GMPR: variants seen among roughly 807,000 people sequenced by gnomAD.
GMPR encodes the protein guanosine monophosphate reductase.
Under a neutral mutation model 38.4 loss-of-function variants are expected in GMPR, and 31 were observed. The ratio of observed to expected loss-of-function variants is 0.81; its 90% CI spans 0.61 to 1.09. The LOEUF (loss-of-function observed/expected upper bound fraction) is 1.09, where lower values mean the gene tolerates loss of function less well. GMPR is among the 50% of genes least tolerant of loss of function. GMPR has a pLI of 0.00. For missense variants in GMPR, 468 were observed against 453.7 expected (o/e 1.03, Z -0.29); for synonymous variants, 162 against 173.3 (o/e 0.93, Z 0.51).
chr6:16,260,414 A>C (rs1371650807), intron 4 of GMPR, among the ~76,000 whole-genome samples: 1 of 152,006 alleles, frequency 6.6e-6, no homozygotes, highest in Admixed American at 6.6e-5. Flanking sequence ...CAGACCCTGT[A>C]GGAAAGGCCT....
rs117991420 is a variant in GMPR at position 16,290,917 on chromosome 6, G to A, written c.857+296G>A. On this transcript the variant is annotated intron_variant, in intron 8 of 8. Coordinates refer to ENST00000259727, the MANE Select transcript of GMPR (RefSeq NM_006877.4). ...ACCTCTGGGGGTAGGTGGAATTATTGTCTTGTCCTTCCAGTAGAGCCTGTG... is the reference window on the plus strand; with the variant it reads ...ACCTCTGGGGGTAGGTGGAATTATTATCTTGTCCTTCCAGTAGAGCCTGTG... Among the ~76,000 whole-genome samples, 202 of 152,298 alleles carry A rather than the reference G, an allele frequency of 1.3e-3. 6 individuals carry two copies. The East Asian group carries it at 0.033, about 25-fold the overall frequency.
intron 4 of GMPR, among the ~76,000 whole-genome samples, chr6:16,260,590 T>C (rs1007104978): frequency 1.3e-5 from 2 of 152,016 alleles, no homozygotes; most frequent in Non-Finnish European, 2.9e-5. Context: ...AGTAGTAGAA[T>C]AGCAGATGGA....
chr6:16,256,922 A>G (rs770745778), intron 4 of GMPR, among the ~76,000 whole-genome samples: 1 of 152,122 alleles, frequency 6.6e-6, no homozygotes, highest in Non-Finnish European at 1.5e-5. Flanking sequence ...CTTTTGTTCT[A>G]ATATTTAATC....
At chr6:16,268,999 T>G (rs987930945) in intron 4 of GMPR, among the ~76,000 whole-genome samples, 3 of 151,584 alleles carry the variant, frequency 2.0e-5, no homozygotes, top group Admixed American at 2.0e-4. Context: ...AAAATAAAAA[T>G]TATTTAAAAA....
At chr6:16,269,394 T>C (rs1759338066) in intron 4 of GMPR, among the ~76,000 whole-genome samples, 2 of 152,096 alleles carry the variant, frequency 1.3e-5, no homozygotes, top group South Asian at 4.1e-4. Flanking sequence ...GCTGGAAAAA[T>C]TGGGGCAAAG....
chr6:16,289,514 G>A (rs1759788891), intron 7 of GMPR: 1 of 152,228 alleles, frequency 6.6e-6, no homozygotes, highest in Non-Finnish European at 1.5e-5. Flanking sequence ...CACAAAGACA[G>A]GCAGCTTCAG....
intron 5 of GMPR, among the ~76,000 whole-genome samples, chr6:16,275,342 A>T (rs926208460): frequency 6.6e-6 from 1 of 152,322 alleles, no homozygotes; most frequent in Admixed American, 6.5e-5. Flanking sequence ...ATATGAGAGG[A>T]ATCTGTGGGA....
chr6:16,260,771 A>G (rs4594951), intron 4 of GMPR, among the ~76,000 whole-genome samples: 1 of 151,964 alleles, frequency 6.6e-6, no homozygotes, highest in Non-Finnish European at 1.5e-5. Flanking sequence ...AGGGTGAGGA[A>G]CGGCAAAGAA....
At chr6:16,272,478 A>C (rs890392773) in intron 4 of GMPR, among the ~76,000 whole-genome samples, 4 of 152,254 alleles carry the variant, frequency 2.6e-5, no homozygotes, top group Non-Finnish European at 5.9e-5. Context: ...AAATTTTCCC[A>C]AAAGAAATAG....
intron 4 of GMPR, among the ~76,000 whole-genome samples, chr6:16,261,251 T>G (rs75299952): frequency 1.3e-5 from 2 of 152,090 alleles, no homozygotes; most frequent in South Asian, 2.1e-4. Flanking sequence ...AATTGGACAC[T>G]ATCAGCAGGG....
intron 4 of GMPR, among the ~76,000 whole-genome samples, chr6:16,271,685 A>G (rs1035518457): frequency 5.3e-5 from 8 of 152,048 alleles, no homozygotes; most frequent in Admixed American, 4.6e-4. Context: ...AAAACTACAC[A>G]CTCCTGCCCC....
intron 1 of GMPR, among the ~76,000 whole-genome samples, chr6:16,241,461 C>T (rs1758646760): frequency 6.6e-6 from 1 of 152,190 alleles, no homozygotes; most frequent in African/African-American, 2.4e-5. Context: ...GCAAAGAATA[C>T]AGGTAGCAGT....
At chr6:16,284,675 T>G (rs899310346) in intron 6 of GMPR, among the ~76,000 whole-genome samples, 1 of 152,048 alleles carries the variant, frequency 6.6e-6, no homozygotes, top group South Asian at 2.1e-4. Context: ...CAGGCTACAT[T>G]AGGAATAGCA....
rs79861636 is a variant in GMPR at position 16,291,007 on chromosome 6, G to A, written c.857+386G>A. 2.2e-3 allele frequency among the ~76,000 whole-genome samples: 328 copies of A among 152,304 alleles called. 2 individuals carry two copies. The highest frequency in any genetic ancestry group is 7.7e-3 in the African/African-American group (319 of 41,570). On this transcript the variant is annotated intron_variant, in intron 8 of 8. Coordinates refer to ENST00000259727, the MANE Select transcript of GMPR (RefSeq NM_006877.4). ...GAGTTCAGGCTGAAAGGATTGAGTT[G>A]AAGAATGGCTCTCCTCTTGCACAGA...
At chr6:16,287,166 C>T (rs1253811683) in intron 7 of GMPR, among the ~76,000 whole-genome samples, 2 of 152,208 alleles carry the variant, frequency 1.3e-5, no homozygotes, top group African/African-American at 2.4e-5. Flanking sequence ...CACAGCCCTA[C>T]AATCAGGGGC....
rs573728387 is a variant in GMPR at position 16,261,017 on chromosome 6, A to G, written c.465+6282A>G. Among the ~76,000 whole-genome samples the G allele has an allele frequency of 3.3e-3, 499 of 151,210 alleles. 2 individuals carry two copies. The highest frequency in any genetic ancestry group is 0.011 in the African/African-American group (466 of 40,722). On this transcript the variant is annotated intron_variant, in intron 4 of 8. Coordinates refer to ENST00000259727, the MANE Select transcript of GMPR (RefSeq NM_006877.4). ...GGAAGTTATGAGAAATGTAGAGAGT[A>G]AGTTGAGCATAGTTTGTGATTTTGA...
At chr6:16,266,192 A>G (rs571042511) in intron 4 of GMPR, among the ~76,000 whole-genome samples, 3 of 136,890 alleles carry the variant, frequency 2.2e-5, no homozygotes, top group South Asian at 4.9e-4. Flanking sequence ...GCCATCTTTA[A>G]GAGCTGTAAC....
At chr6:16,245,379 G>A (rs548046330) in intron 1 of GMPR, among the ~76,000 whole-genome samples, 2 of 152,156 alleles carry the variant, frequency 1.3e-5, no homozygotes, top group Non-Finnish European at 2.9e-5. Context: ...GGGCCAGAGC[G>A]GTCCCATGGT....
intron 6 of GMPR, among the ~76,000 whole-genome samples, chr6:16,280,136 G>A (rs1759550629): frequency 6.6e-6 from 1 of 152,188 alleles, no homozygotes; most frequent in African/African-American, 2.4e-5. Context: ...CGGGGCTGGT[G>A]TGGTGATCAC....
Sources: gnomAD v4.1 joint callset for allele counts (sites outside exome capture counted in the v4.1 genomes callset) on GRCh38, gnomAD v4.1.1 for gene constraint, MANE v1.5 for transcripts, NCBI Gene and HGNC (gene_info 2026-07-23, HGNC 2026-07-21) for gene names.